Variants in BIRC6 observed in about 807,000 individuals in gnomAD.
BIRC6 encodes baculoviral IAP repeat containing 6.
BIRC6 carries 98 observed loss-of-function variants against 503.3 expected under a neutral mutation model. The observed-to-expected ratio is 0.19, with a 90% CI of 0.17 to 0.23. The LOEUF (loss-of-function observed/expected upper bound fraction) is 0.23, where lower values mean the gene tolerates loss of function less well. BIRC6 is among the 10% of genes least tolerant of loss of function. BIRC6 has a pLI of 1.00. For missense variants in BIRC6, 5,360 were observed against 5,806.0 expected (o/e 0.92, Z 2.50); for synonymous variants, 2,240 against 2,078.7 (o/e 1.08, Z -2.11).
intron 6 of BIRC6, 86 bp from the exon 7 acceptor site, chr2:32,401,077 A>G: frequency 1.7e-6 from 2 of 1,157,654 alleles, no homozygotes; most frequent in African/African-American, 1.5e-5. Flanking sequence ...AGTTAAAAAA[A>G]GATGATGATC....
intron 6 of BIRC6, 134 bp downstream of exon 6, chr2:32,395,727 A>G: frequency 1.5e-6 from 1 of 680,126 alleles, no homozygotes; most frequent in Admixed American, 2.3e-5. Context: ...CCTGAGAATG[A>G]GCTAGCCCTG....
In BIRC6 at chr2:32,541,798, C is replaced by G. The variant is rs2057685431; in HGVS notation, c.12292-1443C>G. 2.0e-5 allele frequency among the ~76,000 whole-genome samples: 3 copies of G among 152,092 alleles called. No homozygotes were observed. In the South Asian group the frequency reaches 6.2e-4, roughly 31 times the overall value. ...TGAATTATTAAGATTAAATTATAGA[C>G]ATGATGCTCCTTTATTCCTAAGTTC... is the stretch of plus-strand genomic sequence containing the variant. On this transcript the variant is annotated intron_variant, in intron 61 of 73. Coordinates refer to ENST00000421745, the MANE Select transcript of BIRC6 (RefSeq NM_016252.4).
intron 55 of BIRC6, among the ~76,000 whole-genome samples, 186 bp downstream of exon 55, chr2:32,515,956 T>C (rs1471211575): frequency 6.6e-6 from 1 of 152,242 alleles, no homozygotes; most frequent in Non-Finnish European, 1.5e-5. Context: ...ACTTATTCTT[T>C]ATGATGAGAT....
At position 32,478,829 on chromosome 2, in the gene BIRC6, A is replaced by G; in HGVS notation, c.7252+11A>G. The G allele has an allele frequency of 6.2e-7, 1 of 1,609,272 alleles. No homozygotes were observed. The highest frequency in any genetic ancestry group is 8.5e-7 in the Non-Finnish European group (1 of 1,178,428). On this transcript the variant is annotated intron_variant, in intron 36 of 73. Transcript: ENST00000421745. Reference sequence around the variant, plus strand: ...AAGATATTTTAGCAGGTGTGTTAGGATTTTTCTTCATAGAGTATGTCAAAA... The same window carrying G: ...AAGATATTTTAGCAGGTGTGTTAGGGTTTTTCTTCATAGAGTATGTCAAAA...
Position 32,388,779 on chromosome 2 carries a change from T to C in BIRC6, c.675T>C (p.His225=). Residue 225 remains histidine, a synonymous_variant, in exon 4 of 74, where the codon CAT becomes CAC. Transcript: ENST00000421745. The stretch of plus-strand genomic sequence containing the variant: ...CCACAGTTACATTTCATCTTCCTCA[T>C]CATGTGTTGAAGTCCATTGCCAGTG... ...KWATVTFHLP[H]HVLKSIASAI... is the part of the protein sequence containing the mutation. 2 of 1,607,252 alleles carry C rather than the reference T, an allele frequency of 1.2e-6. No individual in the cohort carries two copies. Among genetic ancestry groups the C allele is most frequent in the Non-Finnish European group, 1.7e-6 (2 of 1,177,354 alleles).
chr2:32,504,943 T>G (rs1572676850), intron 49 of BIRC6, 62 bp from the exon 50 acceptor site: 1 of 1,397,150 alleles, frequency 7.2e-7, no homozygotes, highest in East Asian at 2.5e-5. Flanking sequence ...TTGTATAGAT[T>G]TTAAAGCTTT....
chr2:32,512,223 C>T (rs1396053467), intron 53 of BIRC6, among the ~76,000 whole-genome samples: 1 of 152,126 alleles, frequency 6.6e-6, no homozygotes, highest in Non-Finnish European at 1.5e-5. Context: ...ACCTTCCTAT[C>T]CCTGTTTCTT....
chr2:32,507,116 TC>T (rs1314129751), intron 50 of BIRC6, among the ~76,000 whole-genome samples: 1 of 152,038 alleles, frequency 6.6e-6, no homozygotes, highest in East Asian at 1.9e-4. Context: ...TTAAAAAAAA[TC>T]CTGTGGATAT....
chr2:32,463,434 A>C, intron 24 of BIRC6, 53 bp downstream of exon 24: 1 of 1,473,718 alleles, frequency 6.8e-7, no homozygotes, highest in Non-Finnish European at 9.1e-7. Flanking sequence ...TCAAAAGCTG[A>C]AAAAGTACTT....
chr2:32,468,265 G>A (rs551898067), intron 28 of BIRC6, among the ~76,000 whole-genome samples, 154 bp downstream of exon 28: 143 of 152,292 alleles, frequency 9.4e-4, no homozygotes, highest in African/African-American at 3.3e-3. Flanking sequence ...CACTTAATGC[G>A]TGAAAATATT....
In BIRC6 at chr2:32,415,061, A is replaced by C. The variant is rs1339325245; in HGVS notation, c.1770A>C (p.Ser590=). 6 of 1,613,846 alleles carry C rather than the reference A, an allele frequency of 3.7e-6. No individual in the cohort carries two copies. In the Admixed American group the frequency reaches 6.7e-5, roughly 18 times the overall value. ...TSPISSNSHR[S]LDGLSRTQGE... ...CCATTAGTAGTAATTCTCACAGGTC[A>C]CTGGATGGTTTAAGCAGAACTCAGG... is the stretch of plus-strand genomic sequence containing the variant. Residue 590 remains serine, a synonymous_variant, in exon 10 of 74, where the codon TCA becomes TCC. Transcript: ENST00000421745.
At chr2:32,470,781 A>G (rs2049015171) in intron 31 of BIRC6, among the ~76,000 whole-genome samples, 1 of 152,186 alleles carries the variant, frequency 6.6e-6, no homozygotes. Context: ...TTCAGCCTGC[A>G]CTTAATCTGT....
chr2:32,524,426 C>G (rs1164118946), intron 57 of BIRC6, among the ~76,000 whole-genome samples: 2 of 152,148 alleles, frequency 1.3e-5, no homozygotes, highest in African/African-American at 4.8e-5. Flanking sequence ...ATGCTATAGA[C>G]TGAATCTTGA....
intron 5 of BIRC6, among the ~76,000 whole-genome samples, chr2:32,393,094 G>A (rs2039456604): frequency 6.6e-6 from 1 of 151,846 alleles, no homozygotes; most frequent in Non-Finnish European, 1.5e-5. Context: ...CAGTTTTACA[G>A]TTTCGAAATT....
chr2:32,520,024 C>T (rs754525879), intron 57 of BIRC6, among the ~76,000 whole-genome samples: 3 of 152,132 alleles, frequency 2.0e-5, no homozygotes, highest in Non-Finnish European at 4.4e-5. Context: ...TGTCTGTTTG[C>T]ATTATAACAT....
In BIRC6 at chr2:32,549,384, A is replaced by G; in HGVS notation, c.13047A>G (p.Arg4349=). 1 of 1,514,770 alleles carries G rather than the reference A, an allele frequency of 6.6e-7. No homozygotes were observed. The highest frequency in any genetic ancestry group is 1.3e-5 in the South Asian group (1 of 76,214). 93.8% of individuals were successfully genotyped at this position (1,514,770 alleles called of 1,614,324 possible). A position where few individuals can be genotyped will look rare whatever the true frequency, so the allele number is the denominator to read the frequency against. The change falls in exon 65 of 74, where the codon AGA becomes AGG. Residue 4349 remains arginine, a synonymous_variant. Coordinates refer to ENST00000421745, the MANE Select transcript of BIRC6 (RefSeq NM_016252.4). ...AAGCTCAGTCATCTCATGAGACTAG[A>G]GGGCAGAACAGTAATGCCCTTCCTT... The part of the protein sequence containing the change: ...NGEAQSSHET[R]GQNSNALPSV...
At chr2:32,558,405 T>A (rs928001556) in intron 65 of BIRC6, among the ~76,000 whole-genome samples, 1 of 152,192 alleles carries the variant, frequency 6.6e-6, no homozygotes, top group Non-Finnish European at 1.5e-5. Flanking sequence ...GGGGAGCAGT[T>A]GAGCAGAATA....
At chr2:32,543,016 TCTCGAGTTCCTGAC>T (rs1437811889) in intron 61 of BIRC6, among the ~76,000 whole-genome samples, 1 of 152,164 alleles carries the variant, frequency 6.6e-6, no homozygotes, top group Non-Finnish European at 1.5e-5. Flanking sequence ...GCCAGGCTGG[TCTCGAGTTCCTGAC>T]CTCAAGTAAT....
chr2:32,586,176 T>A (rs1432288196), intron 66 of BIRC6, among the ~76,000 whole-genome samples: 1 of 152,050 alleles, frequency 6.6e-6, no homozygotes, highest in African/African-American at 2.4e-5. Context: ...AATGGCTAAA[T>A]TTAAGCCTTA....
Sources: allele counts gnomAD v4.1 joint callset (sites outside exome capture counted in the v4.1 genomes callset), GRCh38; gene constraint gnomAD v4.1.1; transcripts MANE v1.5; gene names NCBI Gene and HGNC (gene_info 2026-07-23, HGNC 2026-07-21).